Variants in DYSF observed in about 807,000 individuals in gnomAD.
DYSF encodes the protein dystrophy-associated fer-1-like 1.
A neutral mutation model predicts 274.9 loss-of-function variants in DYSF; 212 were observed. That is an observed-to-expected ratio of 0.77 (90% CI 0.69 to 0.86). DYSF has a LOEUF of 0.86. DYSF is among the 40% of genes least tolerant of loss of function. The pLI is 0.00. For missense variants in DYSF, 2,666 were observed against 2,783.2 expected, an observed-to-expected ratio of 0.96 and a Z score of 0.95; for synonymous variants, 1,091 against 1,078.7, an observed-to-expected ratio of 1.01 and a Z score of -0.22.
intron 14 of DYSF, among the ~76,000 whole-genome samples, chr2:71,529,164 T>C (rs1345007317): frequency 6.6e-6 from 1 of 152,210 alleles, no homozygotes; most frequent in Non-Finnish European, 1.5e-5. Flanking sequence ...CTTAACCAGG[T>C]ACAACCATCA....
In DYSF at chr2:71,485,148, G is replaced by T. The variant is rs115648275; in HGVS notation, c.239+3178G>T. On this transcript the variant is annotated intron_variant, in intron 3 of 55. Transcript: ENST00000410020. ...CATTTATCTCAGTTTCAGATTTCTA[G>T]CAATTAAAACTTGTCTTAATTAAAC... 6.5e-3 allele frequency among the ~76,000 whole-genome samples: 989 copies of T among 152,234 alleles called. 14 individuals are homozygous for T. Among genetic ancestry groups the T allele is most frequent in the African/African-American group, 0.023 (940 of 41,528 alleles).
At chr2:71,684,514 G>A (rs1292058037) in intron 55 of DYSF, among the ~76,000 whole-genome samples, 3 of 152,218 alleles carry the variant, frequency 2.0e-5, no homozygotes, top group Admixed American at 2.0e-4. Flanking sequence ...CATGCCACTG[G>A]GGAGTGCTCA....
intron 30 of DYSF, among the ~76,000 whole-genome samples, chr2:71,578,819 G>A (rs1158836775): frequency 2.0e-5 from 3 of 152,224 alleles, no homozygotes; most frequent in African/African-American, 7.2e-5. Flanking sequence ...GGCAGGCCCT[G>A]TCTGCTCATT....
intron 4 of DYSF, among the ~76,000 whole-genome samples, chr2:71,504,621 G>C (rs1282602255): frequency 6.6e-6 from 1 of 152,176 alleles, no homozygotes; most frequent in Non-Finnish European, 1.5e-5. Flanking sequence ...GGGATGATAG[G>C]TATCAAGGCA....
At chr2:71,607,687 C>G (rs377139158) in intron 36 of DYSF, among the ~76,000 whole-genome samples, 1 of 152,068 alleles carries the variant, frequency 6.6e-6, no homozygotes, top group Non-Finnish European at 1.5e-5. Context: ...ACAGGATTAC[C>G]AGTGTTTGGT....
intron 45 of DYSF, among the ~76,000 whole-genome samples, chr2:71,663,997 T>G (rs2094950500): frequency 6.6e-6 from 1 of 152,242 alleles, no homozygotes; most frequent in African/African-American, 2.4e-5. Flanking sequence ...AGTTTTAATG[T>G]GCATTTCCAA....
intron 3 of DYSF, among the ~76,000 whole-genome samples, chr2:71,487,547 C>T (rs780396639): frequency 2.2e-4 from 34 of 152,290 alleles, no homozygotes; most frequent in Non-Finnish European, 3.4e-4. Flanking sequence ...CTCGCTCTGT[C>T]GCCCAGGAAG....
rs398123765 is a variant in DYSF, at chr2:71,528,403, T to C, written c.1380+2T>C. On this transcript the variant is annotated splice_donor_variant, in intron 14 of 55. Coordinates refer to ENST00000410020, the MANE Select transcript of DYSF (RefSeq NM_001130987.2). LOFTEE classifies it high-confidence loss of function. ...GAGGTCAGCTTTGCGGGGAAAATGGTAAGGAGCAAGGGAGCAGGAGGGTTC... is the reference window on the plus strand; with the variant it reads ...GAGGTCAGCTTTGCGGGGAAAATGGCAAGGAGCAAGGGAGCAGGAGGGTTC... 3.7e-6 allele frequency: 6 copies of C among 1,613,038 alleles called. No individual in the cohort carries two copies. The East Asian group carries it at 1.3e-4, about 36-fold the overall frequency.
chr2:71,569,735 C>T, intron 26 of DYSF, 85 bp from the exon 27 acceptor site: 5 of 1,175,012 alleles, frequency 4.3e-6, no homozygotes, highest in South Asian at 2.6e-5. Context: ...GGCTGACATA[C>T]GCAGGGGTGC....
Position 71,612,771 on chromosome 2 carries a change from A to G in DYSF, c.4352A>G (p.Tyr1451Cys), listed in dbSNP as rs757346544. ...CTGGAGAGCTTCCTGTGTGACCCCT[A>G]CTCGGCGGAGAGTCCATCCCCACAG... Reference protein sequence around the residue: ...RSLESFLCDPYSAESPSPQGG... With the variant: ...RSLESFLCDPCSAESPSPQGG... Residue 1451 changes from tyrosine (Y) to cysteine (C), a missense_variant, in exon 39 of 56, where the codon TAC becomes TGC. This residue lies in a region of DYSF where 1,460 missense variants were observed against 1,502.1 expected (regional missense o/e 0.97). Transcript: ENST00000410020. 8 of 1,613,578 alleles carry G rather than the reference A, an allele frequency of 5.0e-6. No homozygotes were observed. The highest frequency in any genetic ancestry group is 2.7e-5 in the African/African-American group (2 of 74,782).
At chr2:71,675,550 G>A (rs2095206049) in intron 52 of DYSF, among the ~76,000 whole-genome samples, 1 of 152,190 alleles carries the variant, frequency 6.6e-6, no homozygotes, top group Non-Finnish European at 1.5e-5. Context: ...TCACTTGACT[G>A]TTCCCCCGCC....
At chr2:71,642,369 G>A (rs2094500972) in intron 41 of DYSF, among the ~76,000 whole-genome samples, 1 of 152,216 alleles carries the variant, frequency 6.6e-6, no homozygotes, top group Non-Finnish European at 1.5e-5. Context: ...ACGTGACTGT[G>A]TAAGTCAGTT....
At chr2:71,652,749 A>G (rs984815001) in intron 42 of DYSF, among the ~76,000 whole-genome samples, 2 of 152,364 alleles carry the variant, frequency 1.3e-5, no homozygotes, top group African/African-American at 4.8e-5. Context: ...GAAACAGGTT[A>G]TGAAGCCACA....
intron 1 of DYSF, among the ~76,000 whole-genome samples, chr2:71,456,239 C>T (rs2081057759): frequency 6.6e-6 from 1 of 152,150 alleles, no homozygotes; most frequent in Non-Finnish European, 1.5e-5. Flanking sequence ...CCGTCATGAG[C>T]CCCTGAGCCT....
At chr2:71,488,879 A>C (rs2083573114) in intron 3 of DYSF, among the ~76,000 whole-genome samples, 1 of 152,142 alleles carries the variant, frequency 6.6e-6, no homozygotes, top group Admixed American at 6.5e-5. Flanking sequence ...TGGTCTGAGC[A>C]TCAGTCATGG....
chr2:71,508,539 C>G (rs975531125), intron 4 of DYSF, among the ~76,000 whole-genome samples: 1 of 152,100 alleles, frequency 6.6e-6, no homozygotes, highest in Non-Finnish European at 1.5e-5. Context: ...AAATTCCGGC[C>G]AATTATTTGT....
intron 40 of DYSF, among the ~76,000 whole-genome samples, chr2:71,614,258 A>G (rs777606767): frequency 2.0e-5 from 3 of 152,156 alleles, no homozygotes; most frequent in Non-Finnish European, 4.4e-5. Flanking sequence ...GCTTTGCAAG[A>G]TACTGGTCAT....
upstream of DYSF, among the ~76,000 whole-genome samples, chr2:71,463,033 C>T (rs2081347230): frequency 6.6e-6 from 1 of 152,182 alleles, no homozygotes; most frequent in Non-Finnish European, 1.5e-5. Flanking sequence ...GGTGGGGTTT[C>T]ACTGAGGACC....
chr2:71,680,105 A>T (rs908707963), intron 53 of DYSF, among the ~76,000 whole-genome samples: 1 of 152,200 alleles, frequency 6.6e-6, no homozygotes, highest in Non-Finnish European at 1.5e-5. Flanking sequence ...AACAATAACT[A>T]ATAATAGAAC....
Sources: allele counts gnomAD v4.1 joint callset (sites outside exome capture counted in the v4.1 genomes callset), GRCh38; gene constraint gnomAD v4.1.1; regional missense constraint gnomAD v4.1.1; transcripts MANE v1.5; gene names NCBI Gene and HGNC (gene_info 2026-07-23, HGNC 2026-07-21).